Variants in AKAP19 observed in about 807,000 individuals in gnomAD.
AKAP19 encodes small A-kinase anchoring protein.
At chr2:190,076,692 C>A in the AKAP19 span, among the ~76,000 whole-genome samples, 41 of 152,226 alleles carry the variant, frequency 2.7e-4, no homozygotes, top group Middle Eastern at 3.4e-3. Flanking sequence ...TCTTTGGCTA[C>A]TTTTAAGATT....
the AKAP19 span, chr2:190,057,236 T>G: frequency 6.2e-7 from 1 of 1,612,670 alleles, no homozygotes; most frequent in Non-Finnish European, 8.5e-7. Context: ...TTTTAGGAAG[T>G]TATGAACGCT....
the AKAP19 span, among the ~76,000 whole-genome samples, chr2:190,112,189 G>T: frequency 1.1e-3 from 166 of 152,292 alleles, 1 homozygote; most frequent in African/African-American, 3.8e-3. Flanking sequence ...GCATGAGAAC[G>T]TGGTGTACCC....
At chr2:189,911,971 G>C in the AKAP19 span, among the ~76,000 whole-genome samples, 1 of 151,282 alleles carries the variant, frequency 6.6e-6, no homozygotes, top group African/African-American at 2.4e-5. Flanking sequence ...CATCAGAATA[G>C]AAAATAAATA....
the AKAP19 span, among the ~76,000 whole-genome samples, chr2:189,901,709 T>A: frequency 1.3e-5 from 2 of 152,192 alleles, no homozygotes; most frequent in South Asian, 2.1e-4. Context: ...GGTATTTACC[T>A]TTTTTCCCCA....
At chr2:190,096,134 G>A in the AKAP19 span, among the ~76,000 whole-genome samples, 1 of 152,080 alleles carries the variant, frequency 6.6e-6, no homozygotes, top group African/African-American at 2.4e-5. Flanking sequence ...AGTGTCCACG[G>A]CCTCTAATAC....
chr2:189,936,631 A>G, the AKAP19 span, among the ~76,000 whole-genome samples: 1 of 151,530 alleles, frequency 6.6e-6, no homozygotes. Flanking sequence ...AAAGAAACAA[A>G]TGTCCACAAA....
the AKAP19 span, among the ~76,000 whole-genome samples, chr2:190,085,252 G>C: frequency 6.6e-6 from 1 of 152,116 alleles, no homozygotes; most frequent in Non-Finnish European, 1.5e-5. Context: ...TAGGTTTCCT[G>C]GTTATTCAAT....
chr2:190,051,850 A>ATTTATTTATTTATTTATTTATTTT, the AKAP19 span, among the ~76,000 whole-genome samples: 1 of 147,212 alleles, frequency 6.8e-6, no homozygotes, highest in Admixed American at 6.7e-5. Flanking sequence ...TTATTTATTT[A>ATTTATTTATTTATTTATTTATTTT]TTTTTGAGAC....
the AKAP19 span, among the ~76,000 whole-genome samples, chr2:189,936,113 G>A: frequency 2.0e-4 from 30 of 152,088 alleles, no homozygotes; most frequent in Admixed American, 5.9e-4. Flanking sequence ...ATGAGAATTA[G>A]AATTCTATAC....
the AKAP19 span, among the ~76,000 whole-genome samples, chr2:190,074,651 CAA>C: frequency 0.21 from 31,152 of 146,626 alleles, 8,256 homozygotes; most frequent in African/African-American, 0.62. Context: ...GACTTTGTCT[CAA>C]AAAAAAAAAA....
At chr2:190,098,081 T>G in the AKAP19 span, among the ~76,000 whole-genome samples, 4 of 152,094 alleles carry the variant, frequency 2.6e-5, no homozygotes, top group African/African-American at 9.7e-5. Flanking sequence ...TCCAAACTCC[T>G]GTGAATGTTG....
the AKAP19 span, among the ~76,000 whole-genome samples, chr2:190,085,894 T>C: frequency 8.4e-4 from 128 of 152,282 alleles, no homozygotes; most frequent in Middle Eastern, 3.4e-3. Flanking sequence ...ATGGGAAAGG[T>C]TCTGCTTGCA....
chr2:190,199,644 T>C, the AKAP19 span: 1 of 1,189,664 alleles, frequency 8.4e-7, no homozygotes. Context: ...CACTCAATCA[T>C]ACACTATTTT....
the AKAP19 span, among the ~76,000 whole-genome samples, chr2:189,990,795 T>C: frequency 1.3e-5 from 2 of 152,198 alleles, no homozygotes; most frequent in Non-Finnish European, 1.5e-5. Flanking sequence ...TCTGAGATTT[T>C]GGTGCACCCA....
the AKAP19 span, chr2:190,180,861 C>A: frequency 1.0e-6 from 1 of 985,212 alleles, no homozygotes; most frequent in Non-Finnish European, 1.2e-6. The surrounding 1 kb of genome is among the most constrained non-coding windows in gnomAD (Gnocchi z 6.8). Context: ...GCCCCGTCCT[C>A]CACATGCTGC....
At chr2:189,909,041 G>A in the AKAP19 span, among the ~76,000 whole-genome samples, 540 of 152,180 alleles carry the variant, frequency 3.5e-3, no homozygotes, top group Non-Finnish European at 6.4e-3. Flanking sequence ...ATGCTCCAAT[G>A]TTGGGTGCAT....
the AKAP19 span, among the ~76,000 whole-genome samples, chr2:190,188,980 C>G: frequency 6.6e-6 from 1 of 152,146 alleles, no homozygotes; most frequent in Non-Finnish European, 1.5e-5. Flanking sequence ...AGTTACTGGA[C>G]CAGATGATTA....
At chr2:190,006,676 T>C in the AKAP19 span, among the ~76,000 whole-genome samples, 14 of 145,462 alleles carry the variant, frequency 9.6e-5, no homozygotes, top group African/African-American at 3.3e-4. Flanking sequence ...AGCAAAATTC[T>C]AGTGAACAGC....
the AKAP19 span, among the ~76,000 whole-genome samples, chr2:190,008,803 G>T: frequency 2.0e-5 from 3 of 151,912 alleles, no homozygotes; most frequent in Non-Finnish European, 2.9e-5. Context: ...ACATTATGGG[G>T]TGTAAGTAAG....
Sources: gnomAD v4.1 joint callset for allele counts (sites outside exome capture counted in the v4.1 genomes callset) on GRCh38, gnomAD v4.1.1 for gene constraint, Gnocchi (gnomAD v3.1) non-coding constraint, MANE v1.5 for transcripts, NCBI Gene and HGNC (gene_info 2026-07-23, HGNC 2026-07-21) for gene names.